MYRIP: variants seen among roughly 807,000 people sequenced by gnomAD.
MYRIP encodes myosin VIIA and Rab interacting protein, also known as rab effector MyRIP.
In MYRIP, 49 loss-of-function variants were observed where a neutral mutation model predicts 98.0. The observed-to-expected ratio is 0.50, with a 90% confidence interval of 0.40 to 0.63. MYRIP has a LOEUF of 0.63. Ranked by LOEUF, MYRIP falls within the 30% of genes least tolerant of loss-of-function variation. The pLI is 0.00. For missense variants in MYRIP, 1,004 were observed against 1,058.2 expected (o/e 0.95, Z 0.71); for synonymous variants, 404 against 409.5 (o/e 0.99, Z 0.16).
intron 3 of MYRIP, among the ~76,000 whole-genome samples, chr3:40,128,695 G>A (rs1220151310): frequency 6.6e-6 from 1 of 152,062 alleles, no homozygotes; most frequent in African/African-American, 2.4e-5. Flanking sequence ...ATTGCCATTG[G>A]GTACATTTAC....
chr3:39,951,773 G>A (rs898721536), intron 2 of MYRIP, among the ~76,000 whole-genome samples: 1 of 152,064 alleles, frequency 6.6e-6, no homozygotes, highest in African/African-American at 2.4e-5. Flanking sequence ...TATTCTAGAG[G>A]ACTCTGACAA....
intron 2 of MYRIP, among the ~76,000 whole-genome samples, chr3:39,978,763 A>G (rs922060515): frequency 4.6e-5 from 7 of 151,992 alleles, no homozygotes; most frequent in African/African-American, 1.7e-4. Context: ...GATCTTGTTA[A>G]AGACATTTGT....
At chr3:40,143,364 G>T (rs1201990062) in intron 3 of MYRIP, among the ~76,000 whole-genome samples, 4 of 152,184 alleles carry the variant, frequency 2.6e-5, no homozygotes, top group Admixed American at 2.6e-4. Flanking sequence ...CCTGAGCATG[G>T]ACCAGGGAGC....
chr3:40,135,108 C>A (rs756307238), intron 3 of MYRIP, among the ~76,000 whole-genome samples: 1 of 151,884 alleles, frequency 6.6e-6, no homozygotes, highest in Non-Finnish European at 1.5e-5. Flanking sequence ...AAGTTTGAAC[C>A]AATGGCAAAG....
chr3:39,941,518 T>C (rs1485426040), intron 2 of MYRIP, among the ~76,000 whole-genome samples: 70 of 151,198 alleles, frequency 4.6e-4, no homozygotes, highest in Admixed American at 1.9e-3. Context: ...TGTATATATA[T>C]ACACACACAC....
At chr3:40,134,290 C>T (rs1045201618) in intron 3 of MYRIP, among the ~76,000 whole-genome samples, 7 of 152,302 alleles carry the variant, frequency 4.6e-5, no homozygotes, top group Admixed American at 1.3e-4. Context: ...TCATTGCTAG[C>T]ACAGCAGTCT....
intron 8 of MYRIP, among the ~76,000 whole-genome samples, chr3:40,172,035 G>A (rs548821851): frequency 9.9e-5 from 15 of 152,276 alleles, no homozygotes; most frequent in Non-Finnish European, 1.9e-4. Flanking sequence ...CCGCCCCCAT[G>A]ATTCAATTAC....
chr3:40,033,101 A>G (rs1383549681), intron 2 of MYRIP, among the ~76,000 whole-genome samples: 1 of 150,432 alleles, frequency 6.6e-6, no homozygotes, highest in Non-Finnish European at 1.5e-5. Flanking sequence ...TGACAAACCC[A>G]CAGCCAATAT....
intron 10 of MYRIP, among the ~76,000 whole-genome samples, chr3:40,195,697 G>T (rs1239898724): frequency 6.7e-6 from 1 of 150,076 alleles, no homozygotes; most frequent in African/African-American, 2.5e-5. Flanking sequence ...CTTGATTATG[G>T]TTTTTTTTTA....
chr3:39,845,662 T>TCAACAAATAA (rs1380707871), intron 1 of MYRIP, among the ~76,000 whole-genome samples: 5 of 152,002 alleles, frequency 3.3e-5, no homozygotes. Flanking sequence ...AATAAATCAG[T>TCAACAAATAA]CAACAAATAA....
intron 12 of MYRIP, 151 bp from the exon 13 acceptor site, chr3:40,244,295 A>T (rs916438919): frequency 3.3e-6 from 2 of 598,166 alleles, no homozygotes; most frequent in Non-Finnish European, 5.4e-6. Flanking sequence ...TTAAGTGTGA[A>T]GAACGTTTAT....
chr3:40,036,800 A>G (rs1423834821), intron 2 of MYRIP, among the ~76,000 whole-genome samples: 4 of 152,108 alleles, frequency 2.6e-5, no homozygotes, highest in African/African-American at 9.7e-5. Flanking sequence ...TAAAACTTCA[A>G]TCAAACAATA....
intron 6 of MYRIP, 35 bp from the exon 7 acceptor site, chr3:40,167,105 GCCAAGTCACCCCAAATCCA>G (rs1277530985): frequency 6.4e-7 from 1 of 1,571,200 alleles, no homozygotes; most frequent in Non-Finnish European, 8.8e-7. Context: ...CAAAGTGACT[GCCAAGTCACCCCAAATCCA>G]CCCACAGCAC....
At chr3:40,096,105 G>C (rs945731276) in intron 3 of MYRIP, among the ~76,000 whole-genome samples, 1 of 150,376 alleles carries the variant, frequency 6.6e-6, no homozygotes, top group Non-Finnish European at 1.5e-5. Flanking sequence ...TGTGACTGCT[G>C]TCCCTTCAAA....
chr3:40,200,909 T>G (rs1366467687), intron 10 of MYRIP, among the ~76,000 whole-genome samples: 1 of 152,156 alleles, frequency 6.6e-6, no homozygotes, highest in Non-Finnish European at 1.5e-5. Context: ...TATAACTTAG[T>G]CTATGCCTAT....
intron 3 of MYRIP, among the ~76,000 whole-genome samples, chr3:40,060,293 C>T (rs1475857473): frequency 6.6e-6 from 1 of 152,132 alleles, no homozygotes; most frequent in African/African-American, 2.4e-5. Context: ...GCAGTGATGC[C>T]TTTACTCTAT....
chr3:39,838,253 G>A (rs532009767), intron 1 of MYRIP, among the ~76,000 whole-genome samples: 2 of 152,232 alleles, frequency 1.3e-5, no homozygotes, highest in African/African-American at 4.8e-5. Context: ...ATGTTGAATA[G>A]GAGTGTTGAG....
At chr3:40,127,436 A>C (rs1949546773) in intron 3 of MYRIP, among the ~76,000 whole-genome samples, 1 of 152,252 alleles carries the variant, frequency 6.6e-6, no homozygotes. Context: ...CATAGGCTGC[A>C]AACTGGTCCC....
intron 1 of MYRIP, among the ~76,000 whole-genome samples, chr3:39,886,217 C>T (rs550985538): frequency 1.3e-5 from 2 of 151,916 alleles, no homozygotes; most frequent in East Asian, 3.9e-4. Flanking sequence ...ACAACCGGTA[C>T]CAGCCACTGC....
Sources: gnomAD v4.1 joint callset for allele counts (sites outside exome capture counted in the v4.1 genomes callset) on GRCh38, gnomAD v4.1.1 for gene constraint, MANE v1.5 for transcripts, NCBI Gene and HGNC (gene_info 2026-07-23, HGNC 2026-07-21) for gene names.